Variants in PFKFB3 observed in about 807,000 individuals in gnomAD.
The protein encoded by PFKFB3 is 6-phosphofructo-2-kinase/fructose-2,6-bisphosphatase 3.
In PFKFB3, 33 loss-of-function variants were observed where a neutral mutation model predicts 68.0. That is an observed-to-expected ratio of 0.49 (90% CI 0.37 to 0.65). The LOEUF (loss-of-function observed/expected upper bound fraction) is 0.65, where lower values mean the gene tolerates loss of function less well. Among genes scored for constraint, PFKFB3 ranks in the 30% least tolerant of loss-of-function variants. The pLI is 0.00. For synonymous variants in PFKFB3, 315 were observed against 288.2 expected (o/e 1.09, Z -0.94); for missense variants, 586 against 712.2 (o/e 0.82, Z 2.02).
Position 6,226,316 on chromosome 10 carries a change from CCCTGCCCAGCTG to C in PFKFB3, c.1474_1485del (p.Ser492_Pro495del). The C allele has an allele frequency of 6.2e-7, 1 of 1,614,072 alleles. No individual in the cohort carries two copies. The highest frequency in any genetic ancestry group is 8.5e-7 in the Non-Finnish European group (1 of 1,180,002). On this transcript the variant is annotated inframe_deletion, in exon 14 of 15. Coordinates refer to ENST00000379775, the MANE Select transcript of PFKFB3 (RefSeq NM_004566.4). The stretch of plus-strand genomic sequence containing the variant: ...GAGCATGTGGCCTCCACCTCGGCCG[CCCTGCCCAGCTG>C]CCTGCCCCCGGAGGTGCCCACGCAG...
chr10:6,222,534 G>A (rs775138819), intron 10 of PFKFB3, among the ~76,000 whole-genome samples: 12 of 152,234 alleles, frequency 7.9e-5, no homozygotes, highest in Admixed American at 4.6e-4. Context: ...GCACCGGCCC[G>A]TCTGCTTCCT....
rs748889875 is a variant in PFKFB3 at position 6,232,930 on chromosome 10, C to T, written c.1551C>T (p.Ser517=). The T allele has an allele frequency of 6.2e-7, 1 of 1,612,584 alleles. No individual in the cohort carries two copies. The highest frequency in any genetic ancestry group is 1.1e-5 in the South Asian group (1 of 91,042). The part of the protein sequence containing the change: ...MKGSRSSADS[S]RKH The stretch of plus-strand genomic sequence containing the variant: ...GCTCCCGGAGCAGCGCTGACTCCTC[C>T]AGGAAACACTGAGGCAGACGTGTCG... The change falls in exon 15 of 15, where the codon TCC becomes TCT. Residue 517 remains serine, a synonymous_variant. Transcript: ENST00000379775.
the PFKFB3 span, among the ~76,000 whole-genome samples, chr10:6,320,261 G>A: frequency 6.6e-6 from 1 of 152,144 alleles, no homozygotes; most frequent in Admixed American, 6.5e-5. Flanking sequence ...GCCTACAGTG[G>A]ATAAATGAGG....
At chr10:6,176,546 A>G (rs147256308) in intron 1 of PFKFB3, among the ~76,000 whole-genome samples, 6 of 152,096 alleles carry the variant, frequency 3.9e-5, no homozygotes, top group African/African-American at 1.2e-4. Flanking sequence ...AGCTGGGACC[A>G]TAGGTGTGCG....
At chr10:6,300,142 T>C in the PFKFB3 span, among the ~76,000 whole-genome samples, 1 of 151,978 alleles carries the variant, frequency 6.6e-6, no homozygotes, top group African/African-American at 2.4e-5. Flanking sequence ...TTGGGTGCCT[T>C]GTTTGTCTCT....
chr10:6,289,168 C>T, the PFKFB3 span, among the ~76,000 whole-genome samples: 1 of 123,484 alleles, frequency 8.1e-6, no homozygotes, highest in African/African-American at 3.1e-5. Flanking sequence ...TGTTCACTCT[C>T]ATGGTAGTTT....
chr10:6,297,507 T>G, the PFKFB3 span, among the ~76,000 whole-genome samples: 1 of 135,372 alleles, frequency 7.4e-6, no homozygotes, highest in South Asian at 2.2e-4. Context: ...GGTGTCCTTC[T>G]TTTTTTTTTT....
At chr10:6,262,368 G>A in the PFKFB3 span, among the ~76,000 whole-genome samples, 4 of 48,264 alleles carry the variant, frequency 8.3e-5, no homozygotes, top group East Asian at 4.8e-4. Context: ...GCAGGAGAAT[G>A]GCGTGAACCC....
At chr10:6,216,492 C>T (rs1297253624) in intron 4 of PFKFB3, among the ~76,000 whole-genome samples, 1 of 152,188 alleles carries the variant, frequency 6.6e-6, no homozygotes, top group African/African-American at 2.4e-5. Flanking sequence ...TGGGGTATTT[C>T]CCCCACGCTA....
the PFKFB3 span, among the ~76,000 whole-genome samples, chr10:6,324,948 G>A: frequency 0.017 from 2,536 of 152,040 alleles, 69 homozygotes; most frequent in African/African-American, 0.058. Flanking sequence ...ATATACAGAT[G>A]CATACAAGTG....
downstream of PFKFB3, among the ~76,000 whole-genome samples, chr10:6,258,928 C>T (rs538262686): frequency 1.3e-5 from 2 of 152,282 alleles, no homozygotes; most frequent in East Asian, 3.9e-4. Flanking sequence ...TACCACAAAG[C>T]CTAAAATTAC....
intron 1 of PFKFB3, among the ~76,000 whole-genome samples, chr10:6,178,297 C>T (rs750829265): frequency 5.9e-5 from 9 of 152,148 alleles, no homozygotes; most frequent in Non-Finnish European, 1.0e-4. Context: ...CTGTGTGGGG[C>T]GCCCCTGCTG....
At chr10:6,192,181 C>T (rs1203994770) in intron 1 of PFKFB3, among the ~76,000 whole-genome samples, 1 of 147,818 alleles carries the variant, frequency 6.8e-6, no homozygotes, top group African/African-American at 2.5e-5. Context: ...CACACACACA[C>T]ACAGCTTTCT....
At chr10:6,188,089 G>T (rs990255467) in intron 1 of PFKFB3, among the ~76,000 whole-genome samples, 1 of 151,936 alleles carries the variant, frequency 6.6e-6, no homozygotes, top group Non-Finnish European at 1.5e-5. Context: ...GTGTGTGTGT[G>T]TCTGAAGACA....
intron 1 of PFKFB3, among the ~76,000 whole-genome samples, chr10:6,203,667 GC>G (rs1843488584): frequency 2.0e-5 from 3 of 151,864 alleles, no homozygotes; most frequent in Admixed American, 6.5e-5. Flanking sequence ...GTCTCGGGCG[GC>G]CGTCGCCGGA....
At position 6,217,227 on chromosome 10, in the gene PFKFB3, C is replaced by G. The variant is rs201712189; in HGVS notation, c.498+36C>G. ...CGGGAGCCCCGTGCTTCTGCGGCAG[C>G]GTAGACCACAAGGGCATTTGCAGTC... is the stretch of plus-strand genomic sequence containing the variant. On this transcript the variant is annotated intron_variant, in intron 6 of 14. Transcript: ENST00000379775. The G allele has an allele frequency of 1.7e-5, 27 of 1,578,818 alleles. No individual in the cohort carries two copies. The African/African-American group carries it at 2.8e-4, about 17-fold the overall frequency.
intron 1 of PFKFB3, 47 bp from the exon 2 acceptor site, chr10:6,213,576 C>T: frequency 6.3e-7 from 1 of 1,585,014 alleles, no homozygotes; most frequent in Non-Finnish European, 8.6e-7. Flanking sequence ...TGCTCCTCTT[C>T]TCCGGTCACT....
chr10:6,311,021 T>C, the PFKFB3 span, among the ~76,000 whole-genome samples: 1 of 152,146 alleles, frequency 6.6e-6, no homozygotes, highest in African/African-American at 2.4e-5. Flanking sequence ...ACCCATGGAA[T>C]TTCATCTTCT....
At chr10:6,325,820 A>G in the PFKFB3 span, among the ~76,000 whole-genome samples, 1 of 152,236 alleles carries the variant, frequency 6.6e-6, no homozygotes, top group African/African-American at 2.4e-5. Context: ...GTATTCTTAT[A>G]GTAACCCCCA....
Sources: allele counts gnomAD v4.1 joint callset (sites outside exome capture counted in the v4.1 genomes callset), GRCh38; gene constraint gnomAD v4.1.1; transcripts MANE v1.5; gene names NCBI Gene and HGNC (gene_info 2026-07-23, HGNC 2026-07-21).